Variants in PLAG1 observed in about 807,000 individuals in gnomAD.
PLAG1 encodes PLAG1 zinc finger.
In PLAG1, 7 loss-of-function variants were observed where a neutral mutation model predicts 35.5. That is an observed-to-expected ratio of 0.20 (90% confidence interval 0.11 to 0.37). The LOEUF is 0.37. PLAG1 is among the 10% of genes least tolerant of loss of function. PLAG1 has a pLI of 1.00. For missense variants in PLAG1, 454 were observed against 602.8 expected (o/e 0.75, Z 2.58); for synonymous variants, 229 against 225.4 (o/e 1.02, Z -0.14).
At chr8:56,205,172 G>T (rs186903050) in intron 1 of PLAG1, among the ~76,000 whole-genome samples, 7 of 151,810 alleles carry the variant, frequency 4.6e-5, no homozygotes, top group African/African-American at 1.7e-4. Context: ...ACTATTCTTA[G>T]ACTGAGGTTT....
Position 56,167,537 on chromosome 8 carries a change from T to A in PLAG1, c.243-34A>T. 1 of 1,416,556 alleles carries A rather than the reference T, an allele frequency of 7.1e-7. No individual in the cohort carries two copies. Among genetic ancestry groups the A allele is most frequent in the Non-Finnish European group, 9.7e-7 (1 of 1,031,188 alleles). The allele number at this position is 1,416,556 out of a possible 1,614,324, so 87.7% of individuals were successfully genotyped here. A position where few individuals can be genotyped will look rare whatever the true frequency, so the allele number is the denominator to read the frequency against. ...ACAGATATAATCTATAAGTAGTTAT[T>A]ATGACAAAAATGGCATGTATTCACT... On this transcript the variant is annotated intron_variant, in intron 4 of 4. Transcript: ENST00000316981. The surrounding 1 kb of genome is among the most constrained non-coding windows in gnomAD (Gnocchi z 5.9).
At position 56,161,067 on chromosome 8, in the gene PLAG1, G is replaced by A. The variant is rs1222949309; in HGVS notation, c.*5176C>T. On this transcript the variant is annotated 3_prime_UTR_variant, in exon 5 of 5. Coordinates refer to ENST00000316981, the MANE Select transcript of PLAG1 (RefSeq NM_002655.3). ...CTGGTATATGGACAATAAATAGTCT[G>A]CTTCTTTGGATGTGAATGTTTAAAA... The A allele has an allele frequency of 1.6e-5, 3 of 184,462 alleles. No individual in the cohort carries two copies. Among genetic ancestry groups the A allele is most frequent in the Admixed American group, 6.2e-5 (1 of 16,054 alleles). 11.4% of individuals were successfully genotyped at this position (184,462 alleles called of 1,614,324 possible).
At chr8:56,197,034 G>A (rs1451788019) in intron 1 of PLAG1, among the ~76,000 whole-genome samples, 1 of 150,832 alleles carries the variant, frequency 6.6e-6, no homozygotes, top group Non-Finnish European at 1.5e-5. Flanking sequence ...GATCTCTGGG[G>A]CCCTCCCACT....
intron 1 of PLAG1, among the ~76,000 whole-genome samples, chr8:56,185,968 G>A (rs578048542): frequency 6.6e-6 from 1 of 152,298 alleles, no homozygotes; most frequent in South Asian, 2.1e-4. Flanking sequence ...AAGTAACACA[G>A]AAGCCAAGGT....
At chr8:56,207,131 G>A (rs1812722639) in intron 1 of PLAG1, among the ~76,000 whole-genome samples, 2 of 151,672 alleles carry the variant, frequency 1.3e-5, no homozygotes, top group Admixed American at 6.6e-5. Flanking sequence ...CAAAGAACAG[G>A]ATTCTAAAGA....
chr8:56,180,611 A>C (rs1811836917), intron 1 of PLAG1, among the ~76,000 whole-genome samples: 1 of 152,212 alleles, frequency 6.6e-6, no homozygotes, highest in Non-Finnish European at 1.5e-5. Flanking sequence ...TCTTACGTTT[A>C]AGTCTTAAAT....
At position 56,188,942 on chromosome 8, in the gene PLAG1, AG is replaced by A. The variant is rs556851721; in HGVS notation, c.-321-9430del. ...GCAAAGGGGAAAAGATGACTCCAGAAGTAACAAAAAACAGCAAGGAAACTCT... is the reference window on the plus strand; with the variant it reads ...GCAAAGGGGAAAAGATGACTCCAGAATAACAAAAAACAGCAAGGAAACTCT... On this transcript the variant is annotated intron_variant, in intron 1 of 4. Transcript: ENST00000316981. Among the ~76,000 whole-genome samples, 22 of 152,346 alleles carry A rather than the reference AG, an allele frequency of 1.4e-4. No homozygotes were observed. The South Asian group carries it at 2.9e-3, about 20-fold the overall frequency.
intron 1 of PLAG1, among the ~76,000 whole-genome samples, chr8:56,200,052 C>T (rs1812505540): frequency 1.3e-5 from 2 of 152,148 alleles, no homozygotes; most frequent in Admixed American, 6.5e-5. Context: ...TTCTAGCTTT[C>T]TCCACCATCA....
chr8:56,183,991 A>T (rs1481650087), intron 1 of PLAG1, among the ~76,000 whole-genome samples: 1 of 152,230 alleles, frequency 6.6e-6, no homozygotes, highest in African/African-American at 2.4e-5. Context: ...GGATTTCATC[A>T]AAATGTAAAA....
At chr8:56,174,014 T>C (rs1811616953) in intron 2 of PLAG1, among the ~76,000 whole-genome samples, 1 of 152,194 alleles carries the variant, frequency 6.6e-6, no homozygotes, top group African/African-American at 2.4e-5. Context: ...CTGATAATCA[T>C]TTTGCTAAGA....
At chr8:56,196,114 C>A (rs191207104) in intron 1 of PLAG1, among the ~76,000 whole-genome samples, 1 of 152,146 alleles carries the variant, frequency 6.6e-6, no homozygotes, top group Admixed American at 6.5e-5. Flanking sequence ...GAAAAGAGAA[C>A]CCCTAGTAGA....
At chr8:56,210,879 C>T (rs1219480169) in intron 1 of PLAG1, among the ~76,000 whole-genome samples, 2 of 151,888 alleles carry the variant, frequency 1.3e-5, no homozygotes, top group Admixed American at 6.5e-5. Context: ...GCCGCATCGC[C>T]CCCTGCCCTG....
intron 1 of PLAG1, among the ~76,000 whole-genome samples, chr8:56,204,675 T>G (rs1419013327): frequency 6.6e-6 from 1 of 151,928 alleles, no homozygotes; most frequent in East Asian, 1.9e-4. Flanking sequence ...GCACTTATTC[T>G]GAGAATATTA....
chr8:56,197,879 A>T (rs1296900155), intron 1 of PLAG1, among the ~76,000 whole-genome samples: 2 of 152,178 alleles, frequency 1.3e-5, no homozygotes, highest in African/African-American at 4.8e-5. Context: ...TGGAGGGAGC[A>T]GGGAACAGGG....
intron 1 of PLAG1, among the ~76,000 whole-genome samples, chr8:56,198,605 CT>C (rs1409633298): frequency 6.6e-6 from 1 of 152,224 alleles, no homozygotes; most frequent in Non-Finnish European, 1.5e-5. Flanking sequence ...CTCGCTCCCT[CT>C]GCCTCCAGCA....
intron 1 of PLAG1, among the ~76,000 whole-genome samples, chr8:56,201,849 C>G (rs1351578165): frequency 6.6e-6 from 1 of 151,942 alleles, no homozygotes; most frequent in Admixed American, 6.6e-5. Context: ...CATTAATACT[C>G]AAAATATTTT....
chr8:56,162,162 G>A lies in PLAG1; in HGVS notation c.*4081C>T, dbSNP rs1811220818. ...TTGTAGACATGGCTGCTGACACAGT[G>A]TGAGAAAAACAAGACAAATTCAACT... On this transcript the variant is annotated 3_prime_UTR_variant, in exon 5 of 5. Transcript: ENST00000316981. 8.8e-6 allele frequency: 2 copies of A among 228,254 alleles called. No homozygotes were observed. The highest frequency in any genetic ancestry group is 2.2e-5 in the African/African-American group (1 of 45,072). The allele number at this position is 228,254 out of a possible 1,614,324, so 14.1% of individuals were successfully genotyped here.
chr8:56,187,868 C>T (rs1340141447), intron 1 of PLAG1, among the ~76,000 whole-genome samples: 2 of 152,138 alleles, frequency 1.3e-5, no homozygotes, highest in African/African-American at 2.4e-5. Flanking sequence ...CATGGTCATA[C>T]ATAAACCCAA....
rs1248969801 is a variant in PLAG1, at chr8:56,161,311, A to AT, written c.*4931dup. The AT allele has an allele frequency of 4.8e-6, 1 of 209,972 alleles. No homozygotes were observed. Among genetic ancestry groups the AT allele is most frequent in the Non-Finnish European group, 9.7e-6 (1 of 103,142 alleles). 13.0% of individuals were successfully genotyped at this position (209,972 alleles called of 1,614,324 possible). ...ATACAAAATTCGGCCTGGAATGCAG[A>AT]TTTTTTTCTTTTCTATTTTGACTCA... On this transcript the variant is annotated 3_prime_UTR_variant, in exon 5 of 5. Transcript: ENST00000316981.
Sources: gnomAD v4.1 joint callset for allele counts (sites outside exome capture counted in the v4.1 genomes callset) on GRCh38, gnomAD v4.1.1 for gene constraint, Gnocchi (gnomAD v3.1) non-coding constraint, MANE v1.5 for transcripts, NCBI Gene and HGNC (gene_info 2026-07-23, HGNC 2026-07-21) for gene names.